Variants in COPA observed in about 807,000 individuals in gnomAD.
COPA encodes coat protein complex I subunit alpha.
In COPA, 10 loss-of-function variants were observed where a neutral mutation model predicts 158.7. The observed-to-expected ratio is 0.06, with a 90% confidence interval of 0.04 to 0.11. COPA has a LOEUF of 0.11. COPA is among the 10% of genes least tolerant of loss of function. The pLI, the probability that COPA is intolerant of heterozygous loss-of-function variation, is 1.00. For synonymous variants in COPA, 462 were observed against 542.8 expected, an observed-to-expected ratio of 0.85 and a Z score of 2.07; for missense variants, 1,065 against 1,536.7, an observed-to-expected ratio of 0.69 and a Z score of 5.13.
In COPA at chr1:160,305,737, G is replaced by A. The variant is rs1299072491; in HGVS notation, c.1479C>T (p.Tyr493=). ...GTGACATGTCTGCTGACCAGATAACGTATTTCACTTTAGAAATCTTCACAG... is the reference window on the plus strand; with the variant it reads ...GTGACATGTCTGCTGACCAGATAACATATTTCACTTTAGAAATCTTCACAG... The part of the protein sequence containing the change: ...LASVKISKVK[Y]VIWSADMSHV... The change falls in exon 16 of 33, where the codon TAC becomes TAT. Residue 493 remains tyrosine (Y), a synonymous_variant. Transcript: ENST00000241704. 1.2e-5 allele frequency: 19 copies of A among 1,614,076 alleles called. No individual in the cohort carries two copies. Among genetic ancestry groups the A allele is most frequent in the East Asian group, 2.2e-5 (1 of 44,890 alleles).
At chr1:160,309,062 A>G (rs766710303) in intron 13 of COPA, 39 bp downstream of exon 13, 2 of 1,505,052 alleles carry the variant, frequency 1.3e-6, no homozygotes, top group South Asian at 1.1e-5. Context: ...GGGTGAGGAG[A>G]GCTGGAAGCA....
chr1:160,335,364 A>G (rs1366955976), intron 3 of COPA, 42 bp from the exon 4 acceptor site: 1 of 1,529,692 alleles, frequency 6.5e-7, no homozygotes. Context: ...ATAGTTATTG[A>G]GCCTCTAAAA....
chr1:160,291,476 G>A lies in COPA; in HGVS notation c.3279C>T (p.His1093=), dbSNP rs1313347158. The change falls in exon 31 of 33, where the codon CAC becomes CAT. Residue 1093 remains histidine, a synonymous_variant. Transcript: ENST00000241704. ...TCATGTGCACAGGCTGCAGGTTTGA[G>A]TGGGTGAAATAGGCTGCCATCTGGT... ...RICEMAAYFT[H]SNLQPVHMIL... 9.3e-6 allele frequency: 15 copies of A among 1,613,856 alleles called. No individual in the cohort carries two copies. The African/African-American group carries it at 9.3e-5, about 10-fold the overall frequency.
At position 160,292,749 on chromosome 1, in the gene COPA, C is replaced by T. The variant is rs1230805848; in HGVS notation, c.2824-129G>A. 5.8e-6 allele frequency: 4 copies of T among 694,202 alleles called. No individual in the cohort carries two copies. In the Admixed American group the frequency reaches 1.2e-4, roughly 22 times the overall value. 43.0% of individuals were successfully genotyped at this position (694,202 alleles called of 1,614,324 possible). The stretch of plus-strand genomic sequence containing the variant: ...AAAATACACTTAATTGTAAGACCTA[C>T]CTCATTTAATGATACCTATTAAAGT... On this transcript the variant is annotated intron_variant, in intron 27 of 32. Transcript: ENST00000241704.
In COPA at chr1:160,310,361, A is replaced by G. The variant is rs1342275920; in HGVS notation, c.1077-103T>C. ...CTCCTACTTATCCAATCTTTACACTATATACTCATCACTTTTATAATCAGG... is the reference window on the plus strand; with the variant it reads ...CTCCTACTTATCCAATCTTTACACTGTATACTCATCACTTTTATAATCAGG... On this transcript the variant is annotated intron_variant, in intron 11 of 32. Coordinates refer to ENST00000241704, the MANE Select transcript of COPA (RefSeq NM_004371.4). 7 of 551,100 alleles carry G rather than the reference A, an allele frequency of 1.3e-5. No individual in the cohort carries two copies. In the Admixed American group the frequency reaches 2.2e-4, roughly 18 times the overall value. 34.1% of individuals were successfully genotyped at this position (551,100 alleles called of 1,614,324 possible). A position where few individuals can be genotyped will look rare whatever the true frequency, so the allele number is the denominator to read the frequency against.
At chr1:160,317,305 G>A (rs865883114) in intron 8 of COPA, 1 of 1,110,046 alleles carries the variant, frequency 9.0e-7, no homozygotes, top group Admixed American at 1.7e-5. Flanking sequence ...GTGTTGTGCT[G>A]TGGGGAAGGG....
intron 27 of COPA, 94 bp downstream of exon 27, chr1:160,293,072 T>C (rs1658291961): frequency 8.1e-7 from 1 of 1,232,832 alleles, no homozygotes; most frequent in Non-Finnish European, 1.2e-6. Context: ...TTTCCCCTTA[T>C]GGGTAGGATA....
chr1:160,321,797 G>C (rs1221254984), intron 8 of COPA, among the ~76,000 whole-genome samples: 1 of 151,822 alleles, frequency 6.6e-6, no homozygotes, highest in Non-Finnish European at 1.5e-5. Flanking sequence ...CAAAATATCA[G>C]TAGCATTTAT....
At chr1:160,320,057 A>C (rs1659283881) in intron 8 of COPA, among the ~76,000 whole-genome samples, 1 of 152,050 alleles carries the variant, frequency 6.6e-6, no homozygotes, top group Admixed American at 6.5e-5. Flanking sequence ...TAAAATTGAG[A>C]CTAAAAAAAA....
chr1:160,329,221 G>A (rs1647393977), intron 6 of COPA, among the ~76,000 whole-genome samples: 1 of 152,204 alleles, frequency 6.6e-6, no homozygotes, highest in South Asian at 2.1e-4. Flanking sequence ...TGGTTAAGGG[G>A]TTACTGGAAG....
chr1:160,293,496 A>G (rs1025234571), intron 25 of COPA, 33 bp from the exon 26 acceptor site: 1 of 1,083,592 alleles, frequency 9.2e-7, no homozygotes, highest in African/African-American at 1.7e-5. Context: ...GTATTGAGTA[A>G]TTTTTTTTTT....
At chr1:160,336,276 T>G (rs1026094961) in intron 3 of COPA, among the ~76,000 whole-genome samples, 4 of 148,750 alleles carry the variant, frequency 2.7e-5, no homozygotes, top group South Asian at 2.1e-4. Context: ...GCGTTTGCAG[T>G]GAGTTGAGAT....
At chr1:160,297,472 T>C (rs1333886091) in intron 20 of COPA, 34 bp from the exon 21 acceptor site, 2 of 1,611,590 alleles carry the variant, frequency 1.2e-6, no homozygotes, top group Non-Finnish European at 1.7e-6. Flanking sequence ...GTTAGGTCTT[T>C]TCTCTTAAGT....
intron 17 of COPA, among the ~76,000 whole-genome samples, chr1:160,302,932 G>A (rs1658664748): frequency 6.6e-6 from 1 of 152,130 alleles, no homozygotes; most frequent in Admixed American, 6.5e-5. Flanking sequence ...CAGCACTTTG[G>A]GAAGCTGATG....
In COPA at chr1:160,337,279, A is replaced by T. The variant is rs898612734; in HGVS notation, c.229-1957T>A. On this transcript the variant is annotated intron_variant, in intron 3 of 32. Coordinates refer to ENST00000241704, the MANE Select transcript of COPA (RefSeq NM_004371.4). ...GACCATTTGCTGGGCTCCTTGTCTT[A>T]CTCTTTGTCAACGAGGATTATAACT... 3.3e-5 allele frequency among the ~76,000 whole-genome samples: 5 copies of T among 152,282 alleles called. No homozygotes were observed. In the East Asian group the frequency reaches 9.6e-4, roughly 29 times the overall value.
At chr1:160,305,837 ACATC>A (rs2101836976) in intron 15 of COPA, 64 bp from the exon 16 acceptor site, 1 of 1,305,014 alleles carries the variant, frequency 7.7e-7, no homozygotes, top group Admixed American at 1.7e-5. Context: ...GCTTTGATCT[ACATC>A]AATTGCACCC....
At chr1:160,317,176 T>A in intron 8 of COPA, among the ~76,000 whole-genome samples, 1 of 152,320 alleles carries the variant, frequency 6.6e-6, no homozygotes, top group Admixed American at 6.5e-5. Flanking sequence ...GTATTTCCCA[T>A]ACAAACAAAA....
At chr1:160,303,524 A>G (rs1006189707) in intron 17 of COPA, among the ~76,000 whole-genome samples, 3 of 152,354 alleles carry the variant, frequency 2.0e-5, no homozygotes, top group African/African-American at 7.2e-5. Context: ...CACACCATAC[A>G]TAACTATCAA....
At chr1:160,313,226 A>C (rs1295454756) in intron 9 of COPA, 59 bp from the exon 10 acceptor site, 1 of 1,461,802 alleles carries the variant, frequency 6.8e-7, no homozygotes, top group African/African-American at 1.4e-5. Context: ...AGCCCATCCT[A>C]CACAAGAATA....
Sources: allele counts gnomAD v4.1 joint callset (sites outside exome capture counted in the v4.1 genomes callset), GRCh38; gene constraint gnomAD v4.1.1; transcripts MANE v1.5; gene names NCBI Gene and HGNC (gene_info 2026-07-23, HGNC 2026-07-21).